The following TNS3 variants were observed in gnomAD, a reference collection of about 807,000 sequenced individuals.
TNS3 encodes tensin 3.
TNS3 carries 45 observed loss-of-function variants against 140.9 expected under a neutral mutation model. The ratio of observed to expected loss-of-function variants is 0.32; its 90% confidence interval spans 0.25 to 0.41. The LOEUF is 0.41. TNS3 is among the 10% of genes least tolerant of loss of function. TNS3 has a pLI of 1.00. For missense variants in TNS3, 1,716 were observed against 1,906.7 expected (o/e 0.90, Z 1.86); for synonymous variants, 815 against 788.4 (o/e 1.03, Z -0.56).
intron 1 of TNS3, among the ~76,000 whole-genome samples, chr7:47,546,115 G>A (rs928994643): frequency 1.1e-4 from 16 of 152,272 alleles, no homozygotes; most frequent in African/African-American, 3.4e-4. Context: ...AGAGAGCTGC[G>A]GCGGACCCCG....
chr7:47,500,759 CA>C (rs1218234011), intron 3 of TNS3, among the ~76,000 whole-genome samples: 1 of 152,116 alleles, frequency 6.6e-6, no homozygotes, highest in East Asian at 1.9e-4. Flanking sequence ...CACGCAGGGC[CA>C]GGGATTTTCC....
At chr7:47,494,396 C>A (rs1225421879) in intron 3 of TNS3, among the ~76,000 whole-genome samples, 13 of 152,202 alleles carry the variant, frequency 8.5e-5, no homozygotes, top group Admixed American at 2.6e-4. Flanking sequence ...GTAAAGAAAC[C>A]TCTGAAAAAG....
chr7:47,491,145 G>A lies in TNS3; in HGVS notation c.-114-10004C>T, dbSNP rs977484330. ...CTAGCCAGTGGGCAGAGAGGCAGAG[G>A]GGCAGCCTCTCGTCCATCTACGCTG... is the stretch of plus-strand genomic sequence containing the variant. On this transcript the variant is annotated intron_variant, in intron 3 of 30. Coordinates refer to ENST00000311160, the MANE Select transcript of TNS3 (RefSeq NM_022748.12). Among the ~76,000 whole-genome samples the A allele has an allele frequency of 4.6e-5, 7 of 152,306 alleles. No homozygotes were observed. The South Asian group carries it at 1.5e-3, about 32-fold the overall frequency.
intron 15 of TNS3, among the ~76,000 whole-genome samples, chr7:47,398,559 T>C (rs1170184519): frequency 1.3e-5 from 2 of 151,988 alleles, no homozygotes; most frequent in East Asian, 3.9e-4. Flanking sequence ...ACAAACAGAA[T>C]TAAAAACAAA....
Position 47,280,034 on chromosome 7 carries a change from T to C in TNS3, c.4193+130A>G, listed in dbSNP as rs145810814. 103 of 1,148,128 alleles carry C rather than the reference T, an allele frequency of 9.0e-5. No homozygotes were observed. The African/African-American group carries it at 1.3e-3, about 15-fold the overall frequency. 71.1% of individuals were successfully genotyped at this position (1,148,128 alleles called of 1,614,324 possible). A position where few individuals can be genotyped will look rare whatever the true frequency, so the allele number is the denominator to read the frequency against. ...AATGAGAACACTTTTACTTTTTTCTTTTTTAAAAGAAATTGGCATGGTGTA... is the reference window on the plus strand; with the variant it reads ...AATGAGAACACTTTTACTTTTTTCTCTTTTAAAAGAAATTGGCATGGTGTA... On this transcript the variant is annotated intron_variant, in intron 30 of 30. Coordinates refer to ENST00000311160, the MANE Select transcript of TNS3 (RefSeq NM_022748.12).
chr7:47,357,241 T>G (rs990307492), intron 17 of TNS3, among the ~76,000 whole-genome samples: 1 of 152,230 alleles, frequency 6.6e-6, no homozygotes, highest in Admixed American at 6.5e-5. Context: ...TATCTTGATG[T>G]GATCTTCTAG....
At chr7:47,564,685 C>T (rs10227017) in intron 1 of TNS3, among the ~76,000 whole-genome samples, 5,591 of 134,192 alleles carry the variant, frequency 0.042, 350 homozygotes, top group African/African-American at 0.14. Flanking sequence ...ACCTCAAGAA[C>T]GGCTAAAATT....
chr7:47,458,205 G>A (rs1260697365), intron 4 of TNS3, among the ~76,000 whole-genome samples: 5 of 152,216 alleles, frequency 3.3e-5, no homozygotes, highest in Admixed American at 6.5e-5. Context: ...AGTCAGCTGA[G>A]GCCACGTCTG....
intron 20 of TNS3, among the ~76,000 whole-genome samples, chr7:47,335,050 G>C (rs1027233345): frequency 1.3e-5 from 2 of 152,080 alleles, no homozygotes; most frequent in African/African-American, 4.8e-5. Flanking sequence ...TTGCTTATAG[G>C]GGAGACTTGA....
intron 4 of TNS3, among the ~76,000 whole-genome samples, chr7:47,449,885 C>T (rs562533718): frequency 9.8e-5 from 15 of 152,350 alleles, no homozygotes; most frequent in Admixed American, 2.6e-4. Flanking sequence ...GGATTACAGG[C>T]GTGAGCCACC....
intron 1 of TNS3, among the ~76,000 whole-genome samples, chr7:47,547,453 G>A (rs112913947): frequency 0.013 from 1,912 of 152,140 alleles, 30 homozygotes; most frequent in African/African-American, 0.035. Flanking sequence ...AGGGGGCAGC[G>A]GCACACACTG....
chr7:47,415,030 G>T, intron 11 of TNS3, 64 bp downstream of exon 11: 1 of 1,254,868 alleles, frequency 8.0e-7, no homozygotes, highest in Non-Finnish European at 1.1e-6. Context: ...AAATTGAGGG[G>T]CCCAGGACCA....
intron 3 of TNS3, 117 bp from the exon 4 acceptor site, chr7:47,481,258 C>G (rs1430621344): frequency 1.4e-6 from 1 of 739,740 alleles, no homozygotes. Flanking sequence ...ACTCTGGCTA[C>G]AAAGCTGTAG....
At chr7:47,481,241 T>A in intron 3 of TNS3, 100 bp from the exon 4 acceptor site, 1 of 879,984 alleles carries the variant, frequency 1.1e-6, no homozygotes, top group Non-Finnish European at 1.6e-6. Flanking sequence ...AAACTGTCTC[T>A]AACCTCACTC....
At chr7:47,328,609 T>A (rs185727740) in intron 20 of TNS3, among the ~76,000 whole-genome samples, 1 of 152,028 alleles carries the variant, frequency 6.6e-6, no homozygotes, top group East Asian at 1.9e-4. Flanking sequence ...AACAAGGATG[T>A]CCCTAGTCAG....
intron 17 of TNS3, among the ~76,000 whole-genome samples, chr7:47,357,817 C>G (rs1054014805): frequency 3.3e-5 from 5 of 152,222 alleles, no homozygotes; most frequent in African/African-American, 1.2e-4. Flanking sequence ...CTGGGAAACA[C>G]TGAAGTCCAT....
rs527696120 is a variant in TNS3, at chr7:47,368,827, C to G, written c.1819G>C (p.Gly607Arg). The G allele has an allele frequency of 6.2e-7, 1 of 1,612,800 alleles. No homozygotes were observed. Among genetic ancestry groups the G allele is most frequent in the South Asian group, 1.1e-5 (1 of 90,970 alleles). Residue 607 changes from glycine (G) to arginine (R), a missense_variant, in exon 17 of 31, where the codon GGG (glycine) becomes CGG (arginine). Around this residue, in one of 3 missense-constraint regions of TNS3, gnomAD observed 1,163 missense variants for 1,182.1 expected, o/e 0.98. Coordinates refer to ENST00000311160, the MANE Select transcript of TNS3 (RefSeq NM_022748.12). Reference protein sequence around the residue: ...VAHQYSFAPDGEARLVSRCPA... With the variant: ...VAHQYSFAPDREARLVSRCPA... Reference sequence around the variant, plus strand: ...CAGCGGCTCACCAGCCGGGCCTCCCCATCTGGGGCGAAGCTATACTGGTGA... The same window carrying G: ...CAGCGGCTCACCAGCCGGGCCTCCCGATCTGGGGCGAAGCTATACTGGTGA...
At chr7:47,470,933 G>A (rs1383064274) in intron 4 of TNS3, among the ~76,000 whole-genome samples, 1 of 151,560 alleles carries the variant, frequency 6.6e-6, no homozygotes, top group East Asian at 1.9e-4. Context: ...CACATTGACG[G>A]GTGTGTTTTG....
In TNS3 at chr7:47,345,030, G is replaced by A. The variant is rs760303507; in HGVS notation, c.2460C>T (p.Thr820=). The stretch of plus-strand genomic sequence containing the variant: ...TATCGAGGTCCTGGGGATAGCCAGG[G>A]GTCATCGTCTGAAATTGGCACAGGG... ...PSPADVKETM[T]PGYPQDLDII... Residue 820 remains threonine, a synonymous_variant, in exon 19 of 31, where the codon ACC becomes ACT. Transcript: ENST00000311160. 1.2e-5 allele frequency: 20 copies of A among 1,613,098 alleles called. 2 individuals carry two copies. The highest frequency in any genetic ancestry group is 3.3e-4 in the Middle Eastern group (2 of 6,080).
Sources: allele counts gnomAD v4.1 joint callset (sites outside exome capture counted in the v4.1 genomes callset), GRCh38; gene constraint gnomAD v4.1.1; regional missense constraint gnomAD v4.1.1; transcripts MANE v1.5; gene names NCBI Gene and HGNC (gene_info 2026-07-23, HGNC 2026-07-21).